The following DLG2 variants were observed in gnomAD, a reference collection of about 807,000 sequenced individuals.
DLG2 encodes discs large MAGUK scaffold protein 2.
A neutral mutation model predicts 132.5 loss-of-function variants in DLG2; 45 were observed. That is an observed-to-expected ratio of 0.34 (90% CI 0.27 to 0.44). The LOEUF (loss-of-function observed/expected upper bound fraction) is 0.44, where lower values mean the gene tolerates loss of function less well. DLG2 is among the 20% of genes least tolerant of loss of function. DLG2 has a pLI of 1.00. For missense variants in DLG2, 1,045 were observed against 1,196.9 expected (o/e 0.87, Z 1.87); for synonymous variants, 424 against 419.6 (o/e 1.01, Z -0.13).
At chr11:83,980,192 G>T (rs1396353113) in intron 12 of DLG2, among the ~76,000 whole-genome samples, 1 of 152,086 alleles carries the variant, frequency 6.6e-6, no homozygotes, top group African/African-American at 2.4e-5. Context: ...ACTGGGCCTT[G>T]TAAGAGGTGG....
At chr11:85,051,312 T>C (rs1284330777) in intron 6 of DLG2, among the ~76,000 whole-genome samples, 1 of 152,146 alleles carries the variant, frequency 6.6e-6, no homozygotes, top group South Asian at 2.1e-4. Context: ...TGTAAGAAGA[T>C]AGACCATTGG....
intron 6 of DLG2, among the ~76,000 whole-genome samples, chr11:84,727,318 G>A (rs563867583): frequency 6.6e-6 from 1 of 152,118 alleles, no homozygotes; most frequent in Non-Finnish European, 1.5e-5. Flanking sequence ...CATATGGCTT[G>A]CCAGTTTTCC....
At chr11:85,611,516 A>C (rs2080998042) in intron 2 of DLG2, among the ~76,000 whole-genome samples, 1 of 152,176 alleles carries the variant, frequency 6.6e-6, no homozygotes, top group African/African-American at 2.4e-5. Context: ...AGACTGATGG[A>C]AGTTCATTTG....
At chr11:85,487,680 C>T (rs146664242) in intron 3 of DLG2, among the ~76,000 whole-genome samples, 29 of 151,956 alleles carry the variant, frequency 1.9e-4, no homozygotes, top group African/African-American at 5.1e-4. Context: ...TTTGGCAGTA[C>T]ATAAAATGAC....
At chr11:84,816,099 C>T (rs1184476839) in intron 6 of DLG2, among the ~76,000 whole-genome samples, 1 of 152,020 alleles carries the variant, frequency 6.6e-6, no homozygotes, top group Non-Finnish European at 1.5e-5. Flanking sequence ...CATAGAGTGG[C>T]ACCAGGGGGT....
chr11:84,654,338 A>T (rs1327293508), intron 6 of DLG2, among the ~76,000 whole-genome samples: 1 of 152,168 alleles, frequency 6.6e-6, no homozygotes, highest in African/African-American at 2.4e-5. Flanking sequence ...TTACCTTTAA[A>T]TGCCCTACAT....
intron 5 of DLG2, among the ~76,000 whole-genome samples, chr11:85,146,145 G>T (rs1224035730): frequency 6.6e-6 from 1 of 151,512 alleles, no homozygotes; most frequent in East Asian, 2.0e-4. Flanking sequence ...GAATTCCCTG[G>T]ATTACTGGGC....
intron 18 of DLG2, among the ~76,000 whole-genome samples, chr11:83,715,128 G>A (rs956166875): frequency 5.3e-5 from 8 of 152,086 alleles, no homozygotes; most frequent in Non-Finnish European, 1.0e-4. Context: ...GATGAAACTG[G>A]TAACTACAAT....
intron 18 of DLG2, among the ~76,000 whole-genome samples, chr11:83,724,476 T>TGTGTGTGAGAGAGA (rs762050933): frequency 8.0e-4 from 94 of 118,220 alleles, no homozygotes; most frequent in African/African-American, 1.9e-3. Flanking sequence ...TGTGTGTGTG[T>TGTGTGTGAGAGAGA]GAGAGAGAGA....
At chr11:85,549,590 G>C (rs1372847650) in intron 3 of DLG2, among the ~76,000 whole-genome samples, 1 of 152,186 alleles carries the variant, frequency 6.6e-6, no homozygotes, top group African/African-American at 2.4e-5. Context: ...ATAGGGGCTA[G>C]GTAAAATAAG....
Position 84,741,509 on chromosome 11 carries a change from C to T in DLG2, c.358-206778G>A, listed in dbSNP as rs115294455. Among the ~76,000 whole-genome samples, 1,441 of 152,146 alleles carry T rather than the reference C, an allele frequency of 9.5e-3. 20 individuals carry two copies. The highest frequency in any genetic ancestry group is 0.032 in the African/African-American group (1,330 of 41,504). Reference sequence around the variant, plus strand: ...CAAAGTCACACCACCACCACCACCACCACCACAAACTCTCTCAGCCTAGAC... The same window carrying T: ...CAAAGTCACACCACCACCACCACCATCACCACAAACTCTCTCAGCCTAGAC... On this transcript the variant is annotated intron_variant, in intron 6 of 27. Coordinates refer to ENST00000376104, the MANE Select transcript of DLG2 (RefSeq NM_001142699.3).
At chr11:84,832,889 A>G (rs1217586573) in intron 6 of DLG2, among the ~76,000 whole-genome samples, 1 of 151,556 alleles carries the variant, frequency 6.6e-6, no homozygotes, top group Non-Finnish European at 1.5e-5. Flanking sequence ...AATTTTGCTC[A>G]GCAACTTCCA....
chr11:85,241,383 T>C (rs2075870440), intron 4 of DLG2, among the ~76,000 whole-genome samples: 1 of 151,912 alleles, frequency 6.6e-6, no homozygotes, highest in Non-Finnish European at 1.5e-5. Flanking sequence ...TTTAATTTCT[T>C]TTTTCTTGTT....
At chr11:84,880,343 C>T (rs1023479600) in intron 6 of DLG2, among the ~76,000 whole-genome samples, 3 of 152,078 alleles carry the variant, frequency 2.0e-5, no homozygotes, top group Non-Finnish European at 4.4e-5. Context: ...TGTATTGAAA[C>T]ACAGACATTA....
chr11:84,279,466 C>T (rs989491190), intron 7 of DLG2, among the ~76,000 whole-genome samples: 1 of 152,000 alleles, frequency 6.6e-6, no homozygotes, highest in Non-Finnish European at 1.5e-5. Flanking sequence ...CGGTATATAC[C>T]CAAAGGATTA....
intron 3 of DLG2, among the ~76,000 whole-genome samples, chr11:85,471,972 A>G (rs560757139): frequency 2.6e-5 from 4 of 152,212 alleles, no homozygotes; most frequent in Non-Finnish European, 5.9e-5. Context: ...ATAACAGAAT[A>G]ATATCTACAA....
intron 9 of DLG2, among the ~76,000 whole-genome samples, chr11:84,155,243 G>C (rs572408721): frequency 1.3e-5 from 2 of 152,268 alleles, no homozygotes. Flanking sequence ...CACCAGCAAT[G>C]TATGCCCTTC....
intron 3 of DLG2, among the ~76,000 whole-genome samples, chr11:85,482,835 C>G (rs867232356): frequency 1.3e-5 from 2 of 152,154 alleles, no homozygotes; most frequent in Non-Finnish European, 1.5e-5. Context: ...TGGTCCACCC[C>G]CAGTCCCAGT....
At chr11:84,236,775 T>C (rs950780874) in intron 8 of DLG2, among the ~76,000 whole-genome samples, 1 of 152,156 alleles carries the variant, frequency 6.6e-6, no homozygotes, top group African/African-American at 2.4e-5. Context: ...AGAATCATAG[T>C]AGGTTAGCAG....
Sources: gnomAD v4.1 joint callset for allele counts (sites outside exome capture counted in the v4.1 genomes callset) on GRCh38, gnomAD v4.1.1 for gene constraint, MANE v1.5 for transcripts, NCBI Gene and HGNC (gene_info 2026-07-23, HGNC 2026-07-21) for gene names.